SBF1: variants seen among roughly 807,000 people sequenced by gnomAD.
SBF1 encodes SET binding factor 1, also known as myotubularin-related protein 5.
In SBF1, 65 loss-of-function variants were observed where a neutral mutation model predicts 215.8. The observed-to-expected ratio is 0.30, with a 90% CI of 0.25 to 0.37. The LOEUF (loss-of-function observed/expected upper bound fraction) is 0.37. Among genes scored for constraint, SBF1 ranks in the 10% least tolerant of loss-of-function variants. The pLI is 1.00. For synonymous variants in SBF1, 1,410 were observed against 1,122.8 expected (o/e 1.26, Z -5.11); for missense variants, 2,634 against 2,667.8 (o/e 0.99, Z 0.28).
Position 50,467,655 on chromosome 22 carries a change from C to G in SBF1, c.315G>C (p.Glu105Asp). 1 of 1,613,840 alleles carries G rather than the reference C, an allele frequency of 6.2e-7. No individual in the cohort carries two copies. The highest frequency in any genetic ancestry group is 8.5e-7 in the Non-Finnish European group (1 of 1,179,864). Residue 105 changes from glutamate to aspartate, a missense_variant, in exon 4 of 41, where the codon GAG becomes GAC. Coordinates refer to ENST00000380817, the MANE Select transcript of SBF1 (RefSeq NM_002972.4). ...TCTGGCCTCCCTCATCCCCCTCTTC[C>G]TCCCTCTCTGTGGCATCCTCCACGC... ...TTRVEDATER[E>D]EEGDEGGQTH...
chr22:50,455,458 C>T, intron 32 of SBF1, 23 bp downstream of exon 32: 1 of 1,612,376 alleles, frequency 6.2e-7, no homozygotes, highest in South Asian at 1.1e-5. Context: ...GCCTGGCCCA[C>T]CCCAGCCCCA....
chr22:50,462,923 C>T lies in SBF1; in HGVS notation c.1915G>A (p.Asp639Asn). 1 of 1,613,148 alleles carries T rather than the reference C, an allele frequency of 6.2e-7. No individual in the cohort carries two copies. Among genetic ancestry groups the T allele is most frequent in the Non-Finnish European group, 8.5e-7 (1 of 1,179,868 alleles). The change falls in exon 17 of 41, where the codon GAC becomes AAC. Residue 639 changes from aspartate to asparagine, a missense_variant. Asp to Asn is a conservative substitution (Grantham distance 23, BLOSUM62 1). Coordinates refer to ENST00000380817, the MANE Select transcript of SBF1 (RefSeq NM_002972.4). ...NCCLQDCTSL[D>N]EHGIAAALLP... ...AGAGCCGCCGCAATGCCATGCTCGT[C>T]CAGAGAAGTGCAGTCCTGCAGGTAG...
chr22:50,450,336 C>A (rs1569508953), intron 36 of SBF1, among the ~76,000 whole-genome samples: 1 of 152,092 alleles, frequency 6.6e-6, no homozygotes, highest in Non-Finnish European at 1.5e-5. Flanking sequence ...GCCTGGTAAA[C>A]ATGGCAAAAC....
chr22:50,467,863 C>T lies in SBF1; in HGVS notation c.202G>A (p.Ala68Thr). ...TCGGAGTTGATGTCGGTGAGGACAG[C>T]AACAAAGAAGGTCGGTGGATTCCTC... is the stretch of plus-strand genomic sequence containing the variant. ...PERNPPTFFV[A>T]VLTDINSERH... Residue 68 changes from alanine (A) to threonine (T), a missense_variant, in exon 3 of 41, where the codon GCT becomes ACT. By Grantham distance (58) the Ala-to-Thr change is moderately conservative. Coordinates refer to ENST00000380817, the MANE Select transcript of SBF1 (RefSeq NM_002972.4). The T allele has an allele frequency of 6.2e-7, 1 of 1,614,078 alleles. No individual in the cohort carries two copies. The highest frequency in any genetic ancestry group is 8.5e-7 in the Non-Finnish European group (1 of 1,179,996).
At chr22:50,474,668 C>T in intron 1 of SBF1, 118 bp downstream of exon 1, 1 of 809,240 alleles carries the variant, frequency 1.2e-6, no homozygotes, top group Non-Finnish European at 1.8e-6. Context: ...CTCGGCCTCC[C>T]GACCCAGCCC....
rs758235568 is a variant in SBF1 at position 50,461,727 on chromosome 22, A to G, written c.2644-9T>C. ...GGCCGCAGCAGCTTGGGCTGCTCGA[A>G]AACAAGAGCAGGAGCTCAGGATGCA... On this transcript the variant is annotated splice_polypyrimidine_tract_variant and intron_variant, in intron 21 of 40. Transcript: ENST00000380817. 33 of 1,609,098 alleles carry G rather than the reference A, an allele frequency of 2.1e-5. No individual in the cohort carries two copies. The highest frequency in any genetic ancestry group is 2.5e-5 in the Non-Finnish European group (30 of 1,177,876).
Position 50,463,411 on chromosome 22 carries a change from C to T in SBF1, c.1771G>A (p.Ala591Thr). Reference sequence around the variant, plus strand: ...CGGCGGGCAGCTCGCCCCTTCAGGGCCCTCAACACGGCTGGGAGCAGCTGG... The same window carrying T: ...CGGCGGGCAGCTCGCCCCTTCAGGGTCCTCAACACGGCTGGGAGCAGCTGG... ...AKKLLPAVLR[A>T]LKGRAARRCL... is the part of the protein sequence containing the mutation. The change falls in exon 16 of 41, where the codon GCC becomes ACC. Residue 591 changes from alanine (A) to threonine (T), a missense_variant. Transcript: ENST00000380817. 6.3e-7 allele frequency: 1 copy of T among 1,582,188 alleles called. No individual in the cohort carries two copies. Among genetic ancestry groups the T allele is most frequent in the Non-Finnish European group, 8.6e-7 (1 of 1,162,958 alleles).
chr22:50,452,218 G>GA (rs1556418666), intron 36 of SBF1, among the ~76,000 whole-genome samples: 1 of 150,476 alleles, frequency 6.6e-6, no homozygotes, highest in Non-Finnish European at 1.5e-5. Flanking sequence ...GCAAAATAAA[G>GA]GCACCAAGAT....
intron 36 of SBF1, among the ~76,000 whole-genome samples, chr22:50,449,068 G>A (rs185315968): frequency 3.8e-4 from 58 of 152,080 alleles, no homozygotes; most frequent in African/African-American, 1.3e-3. Context: ...GCATGGTGGC[G>A]CACGCCTGTA....
At chr22:50,455,178 G>C (rs369282392) in intron 33 of SBF1, 36 bp from the exon 34 acceptor site, 52 of 1,613,714 alleles carry the variant, frequency 3.2e-5, no homozygotes, top group Non-Finnish European at 4.2e-5. Flanking sequence ...AGGGCTCAGC[G>C]GTCAGGGTGC....
Position 50,460,276 on chromosome 22 carries a change from G to C in SBF1, c.3279C>G (p.Ile1093Met). 1 of 1,604,680 alleles carries C rather than the reference G, an allele frequency of 6.2e-7. No homozygotes were observed. ...QPPPEDQEDE[I>M]SVSEELEPST... ...ACTCCACCCCCACCCCTCCACCTGA[G>C]ATCTCGTCCTCCTGGTCCTCAGGGG... is the stretch of plus-strand genomic sequence containing the variant. Residue 1093 changes from isoleucine (I) to methionine (M), a missense_variant, in exon 25 of 41, where the codon ATC becomes ATG. Coordinates refer to ENST00000380817, the MANE Select transcript of SBF1 (RefSeq NM_002972.4).
chr22:50,447,593 G>C lies in SBF1; in HGVS notation c.5380C>G (p.Leu1794Val). The change falls in exon 39 of 41, where the codon CTG (leucine) becomes GTG (valine). Residue 1794 changes from leucine (L) to valine (V), a missense_variant. Transcript: ENST00000380817. ...TTCATGAAGGCCCCCTTCTTGTACAGAGTGCCCTCGTAGGACCTGCATTTC... is the reference window on the plus strand; with the variant it reads ...TTCATGAAGGCCCCCTTCTTGTACACAGTGCCCTCGTAGGACCTGCATTTC... Reference protein sequence around the residue: ...ESENRSYEGTLYKKGAFMKPW... With the variant: ...ESENRSYEGTVYKKGAFMKPW... 1 of 1,611,292 alleles carries C rather than the reference G, an allele frequency of 6.2e-7. No homozygotes were observed. The highest frequency in any genetic ancestry group is 8.5e-7 in the Non-Finnish European group (1 of 1,179,266).
Position 50,454,737 on chromosome 22 carries a change from C to T in SBF1, c.4818G>A (p.Leu1606=), listed in dbSNP as rs1187122037. 6.3e-7 allele frequency: 1 copy of T among 1,577,758 alleles called. No homozygotes were observed. Among genetic ancestry groups the T allele is most frequent in the Non-Finnish European group, 8.6e-7 (1 of 1,164,826 alleles). The change falls in exon 36 of 41, where the codon CTG becomes CTA. Residue 1606 remains leucine (L), a synonymous_variant. Transcript: ENST00000380817. ...YMYAPEDAEV[L]RPYSNVSNLK... ...GGTTGGACACGTTGCTGTAGGGCCG[C>T]AGGACCTGAGGGTGGGCCTGTGGTT...
In SBF1 at chr22:50,467,632, T is replaced by G; in HGVS notation, c.338A>C (p.Gln113Pro). The part of the protein sequence containing the change: ...EREEEGDEGG[Q>P]THLSPTAPAP... ...AGGTGCTGTGGGAGACAGGTGGGTC[T>G]GGCCTCCCTCATCCCCCTCTTCCTC... Residue 113 changes from glutamine to proline, a missense_variant, in exon 4 of 41, where the codon CAG becomes CCG. Coordinates refer to ENST00000380817, the MANE Select transcript of SBF1 (RefSeq NM_002972.4). The G allele has an allele frequency of 6.3e-7, 1 of 1,587,782 alleles. No homozygotes were observed. Among genetic ancestry groups the G allele is most frequent in the Middle Eastern group, 1.7e-4 (1 of 5,944 alleles).
intron 29 of SBF1, 65 bp downstream of exon 29, chr22:50,456,969 G>C: frequency 7.8e-7 from 1 of 1,288,306 alleles, no homozygotes; most frequent in Non-Finnish European, 1.0e-6. Flanking sequence ...CAATAACTCA[G>C]TGCACACTAG....
At position 50,446,356 on chromosome 22, in the gene SBF1, T is replaced by TGCCCCCCCCCCCCCC. The variant is rs2066808396; in HGVS notation, c.*785_*786insGGGGGGGGGGGGGGC. On this transcript the variant is annotated 3_prime_UTR_variant, in exon 41 of 41. Coordinates refer to ENST00000380817, the MANE Select transcript of SBF1 (RefSeq NM_002972.4). ...CCTGCATTCCCCTGGGAGCCCACTG[T>TGCCCCCCCCCCCCCC]CCCCCCCCCCCCCCCGCCTCCGGCC... 5 of 35,040 alleles carry TGCCCCCCCCCCCCCC rather than the reference T, an allele frequency of 1.4e-4. No individual in the cohort carries two copies. The South Asian group carries it at 2.3e-3, about 16-fold the overall frequency. The allele number at this position is 35,040 out of a possible 1,614,324, so 2.2% of individuals were successfully genotyped here. A position where few individuals can be genotyped will look rare whatever the true frequency, so the allele number is the denominator to read the frequency against.
intron 1 of SBF1, among the ~76,000 whole-genome samples, chr22:50,474,162 G>A (rs564294218): frequency 3.9e-5 from 6 of 152,354 alleles, no homozygotes; most frequent in Admixed American, 2.0e-4. Flanking sequence ...TTGGCGTGCA[G>A]GGCCTGGACC....
rs753949284 is a variant in SBF1 at position 50,454,577 on chromosome 22, C to A, written c.4978G>T (p.Val1660Leu). 2 of 1,611,648 alleles carry A rather than the reference C, an allele frequency of 1.2e-6. No individual in the cohort carries two copies. The highest frequency in any genetic ancestry group is 1.1e-5 in the South Asian group (1 of 90,966). ...CAGCTGTCGTAACAGGGCCACACCA[C>A]GCGGCGCCTGCTCTGGGGAGCGCCT... ...DGGAPQSRRR[V>L]VWPCYDSCPR... Residue 1660 changes from valine (V) to leucine (L), a missense_variant, in exon 36 of 41, where the codon GTG becomes TTG. Transcript: ENST00000380817.
chr22:50,463,848 C>A (rs1476505374), intron 15 of SBF1, among the ~76,000 whole-genome samples: 1 of 152,220 alleles, frequency 6.6e-6, no homozygotes, highest in Non-Finnish European at 1.5e-5. Flanking sequence ...CACCATACAG[C>A]CAATGAAAAA....
Sources: gnomAD v4.1 joint callset for allele counts (sites outside exome capture counted in the v4.1 genomes callset) on GRCh38, gnomAD v4.1.1 for gene constraint, MANE v1.5 for transcripts, NCBI Gene and HGNC (gene_info 2026-07-23, HGNC 2026-07-21) for gene names.